Variants in ACE observed in about 807,000 individuals in gnomAD.
ACE encodes the protein angiotensin-converting enzyme.
In ACE, 122 loss-of-function variants were observed where a neutral mutation model predicts 162.3. The ratio of observed to expected loss-of-function variants is 0.75; its 90% CI spans 0.65 to 0.87. ACE has a LOEUF of 0.87. Among genes scored for constraint, ACE ranks in the 40% least tolerant of loss-of-function variants. The probability of loss-of-function intolerance (pLI) is 0.00; values close to 1 mark genes in which losing one functional copy is unlikely to be tolerated. For missense variants in ACE, 1,799 were observed against 1,735.1 expected, an observed-to-expected ratio of 1.04 and a Z score of -0.65; for synonymous variants, 796 against 720.6, an observed-to-expected ratio of 1.10 and a Z score of -1.68.
intron 2 of ACE, 186 bp from the exon 3 acceptor site, chr17:63,478,821 C>T (rs2049660236): frequency 3.1e-6 from 2 of 648,350 alleles, no homozygotes; most frequent in Non-Finnish European, 2.8e-6. Context: ...GCTGCCTCCA[C>T]TGGCAGGGGA....
rs1290162901 is a variant in ACE, at chr17:63,484,670, C to T, written c.1921+129C>T. ...TACCCTGTCCTGGAGGGCCAGGCAGCCCCCCAAGCTCATCAGCAGGGCCTG... is the reference window on the plus strand; with the variant it reads ...TACCCTGTCCTGGAGGGCCAGGCAGTCCCCCAAGCTCATCAGCAGGGCCTG... On this transcript the variant is annotated intron_variant, in intron 12 of 24. Coordinates refer to ENST00000290866, the MANE Select transcript of ACE (RefSeq NM_000789.4). The surrounding 1 kb of genome is among the most constrained non-coding windows in gnomAD (Gnocchi z 4.0). The T allele has an allele frequency of 1.4e-6, 2 of 1,437,936 alleles. No homozygotes were observed. The highest frequency in any genetic ancestry group is 1.4e-5 in the South Asian group (1 of 69,734). 89.1% of individuals were successfully genotyped at this position (1,437,936 alleles called of 1,614,324 possible). A position where few individuals can be genotyped will look rare whatever the true frequency, so the allele number is the denominator to read the frequency against.
intron 21 of ACE, 146 bp downstream of exon 21, chr17:63,494,212 G>A (rs2082274420): frequency 7.5e-7 from 1 of 1,337,740 alleles, no homozygotes; most frequent in Non-Finnish European, 1.0e-6. Flanking sequence ...TGGTGTAAGT[G>A]ATGGGGAAAA....
At chr17:63,480,661 T>G in intron 5 of ACE, 133 bp downstream of exon 5, 1 of 1,007,396 alleles carries the variant, frequency 9.9e-7, no homozygotes, top group East Asian at 2.5e-5. Flanking sequence ...TCATACTGTT[T>G]GCTTCACATG....
intron 6 of ACE, 98 bp downstream of exon 6, chr17:63,481,286 C>A: frequency 8.6e-7 from 1 of 1,165,540 alleles, no homozygotes; most frequent in Non-Finnish European, 1.3e-6. Context: ...GTTTCGGGTA[C>A]TGAGCAGCAG....
At chr17:63,494,271 A>C in intron 21 of ACE, 101 bp from the exon 22 acceptor site, 1 of 1,299,982 alleles carries the variant, frequency 7.7e-7, no homozygotes, top group East Asian at 2.5e-5. Flanking sequence ...TGGGGTGCCC[A>C]GTATAGCCCC....
chr17:63,482,268 G>C (rs2049722227), intron 7 of ACE, among the ~76,000 whole-genome samples, 198 bp from the exon 8 acceptor site: 1 of 151,762 alleles, frequency 6.6e-6, no homozygotes, highest in Non-Finnish European at 1.5e-5. Context: ...GCCACTACAG[G>C]CCAGCCTGTG....
In ACE at chr17:63,497,438, C is replaced by T; in HGVS notation, c.*72C>T. The T allele has an allele frequency of 1.5e-6, 2 of 1,364,164 alleles. No individual in the cohort carries two copies. The highest frequency in any genetic ancestry group is 2.5e-5 in the South Asian group (2 of 80,362). The allele number at this position is 1,364,164 out of a possible 1,614,324, so 84.5% of individuals were successfully genotyped here. A position where few individuals can be genotyped will look rare whatever the true frequency, so the allele number is the denominator to read the frequency against. ...CTGGGATGGGAACACTGGTGGGCAG[C>T]TGAGGACACACCCCACACCCCAGCC... On this transcript the variant is annotated 3_prime_UTR_variant, in exon 25 of 25. Coordinates refer to ENST00000290866, the MANE Select transcript of ACE (RefSeq NM_000789.4).
intron 15 of ACE, among the ~76,000 whole-genome samples, chr17:63,488,221 T>TGGTGGTGCATGC (rs1373389219): frequency 6.6e-6 from 1 of 151,802 alleles, no homozygotes; most frequent in East Asian, 1.9e-4. Flanking sequence ...TAGTTGGATG[T>TGGTGGTGCATGC]GGTGGTGCAT....
intron 23 of ACE, 44 bp from the exon 24 acceptor site, chr17:63,496,754 G>T: frequency 1.2e-6 from 2 of 1,606,844 alleles, no homozygotes; most frequent in Non-Finnish European, 1.7e-6. Flanking sequence ...GGCAAGAGGG[G>T]CCATGTCCTT....
intron 14 of ACE, 57 bp from the exon 15 acceptor site, chr17:63,486,929 C>T (rs2147548108): frequency 6.5e-7 from 1 of 1,537,420 alleles, no homozygotes. Context: ...GTAGTGCAGG[C>T]CCCAGAGAGA....
chr17:63,482,995 C>T (rs751035358), intron 8 of ACE, 34 bp from the exon 9 acceptor site: 5 of 1,608,598 alleles, frequency 3.1e-6, no homozygotes, highest in Non-Finnish European at 4.3e-6. Context: ...TCCCTCTGAC[C>T]TCTTCCCTCT....
At chr17:63,493,746 C>T in intron 20 of ACE, 87 bp downstream of exon 20, 1 of 1,538,466 alleles carries the variant, frequency 6.5e-7, no homozygotes. Context: ...CTTAGTGGCC[C>T]ATGGGCAGAG....
Position 63,483,156 on chromosome 17 carries a change from C to A in ACE, c.1470C>A (p.Phe490Leu). The A allele has an allele frequency of 6.2e-7, 1 of 1,613,976 alleles. No individual in the cohort carries two copies. Among genetic ancestry groups the A allele is most frequent in the South Asian group, 1.1e-5 (1 of 91,074 alleles). ...SGRTPPSRYN[F>L]DWWYLRTKYQ... Reference sequence around the variant, plus strand: ...GTACCCCCCCTTCCCGCTACAACTTCGACTGGTGGTATCTTCGGTGAGAGG... The same window carrying A: ...GTACCCCCCCTTCCCGCTACAACTTAGACTGGTGGTATCTTCGGTGAGAGG... The change falls in exon 9 of 25, where the codon TTC becomes TTA. Residue 490 changes from phenylalanine to leucine, a missense_variant. Physicochemically the swap from Phe to Leu is conservative, Grantham distance 22. Transcript: ENST00000290866.
At chr17:63,487,221 G>A in intron 15 of ACE, 148 bp downstream of exon 15, 1 of 713,076 alleles carries the variant, frequency 1.4e-6, no homozygotes. Flanking sequence ...TCCACGAGGG[G>A]GGCTTCTCTG....
chr17:63,480,345 G>A lies in ACE; in HGVS notation c.664G>A (p.Asp222Asn), dbSNP rs765803965. Residue 222 changes from aspartate to asparagine, a missense_variant, in exon 5 of 25, where the codon GAC becomes AAC. Physicochemically the swap from Asp to Asn is conservative, Grantham distance 23. Coordinates refer to ENST00000290866, the MANE Select transcript of ACE (RefSeq NM_000789.4). ...CACCCCCACGCCCCCAGGCTTCACAGACACGGGGGCCTACTGGCGCTCCTG... is the reference window on the plus strand; with the variant it reads ...CACCCCCACGCCCCCAGGCTTCACAAACACGGGGGCCTACTGGCGCTCCTG... ...NEAYKQDGFT[D>N]TGAYWRSWYN... is the part of the protein sequence containing the mutation. 6.2e-7 allele frequency: 1 copy of A among 1,613,902 alleles called. No individual in the cohort carries two copies. Among genetic ancestry groups the A allele is most frequent in the Non-Finnish European group, 8.5e-7 (1 of 1,180,030 alleles).
rs1225189746 is a variant in ACE at position 63,483,492 on chromosome 17, C to G, written c.1520C>G (p.Thr507Ser). 2 of 1,614,048 alleles carry G rather than the reference C, an allele frequency of 1.2e-6. No homozygotes were observed. Among genetic ancestry groups the G allele is most frequent in the Non-Finnish European group, 1.7e-6 (2 of 1,180,028 alleles). Residue 507 changes from threonine to serine, a missense_variant, in exon 10 of 25, where the codon ACC becomes AGC. By Grantham distance (58) the Thr-to-Ser change is moderately conservative. Transcript: ENST00000290866. ...TATCAGGGGATCTGTCCTCCTGTTA[C>G]CCGAAACGAAACCCACTTTGATGCT... ...TKYQGICPPVTRNETHFDAGA... is the reference protein window; with the variant it reads ...TKYQGICPPVSRNETHFDAGA...
chr17:63,496,280 C>A (rs1289999107), intron 22 of ACE, 114 bp from the exon 23 acceptor site: 2 of 1,520,252 alleles, frequency 1.3e-6, no homozygotes, highest in African/African-American at 1.4e-5. Flanking sequence ...CTTGGCTCTG[C>A]TGTGCGCATG....
intron 2 of ACE, chr17:63,478,669 AAGAG>A (rs371203361): frequency 5.0e-4 from 198 of 398,524 alleles, no homozygotes; most frequent in Non-Finnish European, 8.6e-4. Context: ...CCCCAAAAAA[AAGAG>A]AGAGAGAAAA....
chr17:63,479,866 G>C lies in ACE; in HGVS notation c.609G>C (p.Leu203=), dbSNP rs1411922786. 1.2e-6 allele frequency: 2 copies of C among 1,612,788 alleles called. No homozygotes were observed. The highest frequency in any genetic ancestry group is 1.1e-5 in the South Asian group (1 of 91,084). Residue 203 remains leucine (L), a synonymous_variant, in exon 4 of 25, where the codon CTG becomes CTC. Transcript: ENST00000290866. ...HNAAGIPLKP[L]YEDFTALSNE... ...CTGCGGGCATCCCGCTGAAACCGCT[G>C]TACGAGGATTTCACTGCCCTCAGCA...
Sources: allele counts gnomAD v4.1 joint callset (sites outside exome capture counted in the v4.1 genomes callset), GRCh38; gene constraint gnomAD v4.1.1; non-coding constraint Gnocchi (gnomAD v3.1); transcripts MANE v1.5; gene names NCBI Gene and HGNC (gene_info 2026-07-23, HGNC 2026-07-21).